CEP250: variants seen among roughly 807,000 people sequenced by gnomAD.
CEP250 encodes the protein centrosome-associated protein CEP250.
In CEP250, 242 loss-of-function variants were observed where a neutral mutation model predicts 315.7. The observed-to-expected ratio is 0.77, with a 90% CI of 0.69 to 0.85. The LOEUF (loss-of-function observed/expected upper bound fraction) is 0.85. Among genes scored for constraint, CEP250 ranks in the 40% least tolerant of loss-of-function variants. The pLI is 0.00. For missense variants in CEP250, 2,515 were observed against 2,886.4 expected, an observed-to-expected ratio of 0.87 and a Z score of 2.95; for synonymous variants, 1,088 against 1,175.0, an observed-to-expected ratio of 0.93 and a Z score of 1.51.
At chr20:35,497,342 A>G (rs1003443648) in intron 25 of CEP250, among the ~76,000 whole-genome samples, 1 of 152,236 alleles carries the variant, frequency 6.6e-6, no homozygotes, top group African/African-American at 2.4e-5. Flanking sequence ...ATAGGAATAT[A>G]TAAAGTGTCA....
intron 20 of CEP250, among the ~76,000 whole-genome samples, chr20:35,485,555 A>G (rs224370): frequency 0.63 from 95,530 of 150,668 alleles, 32,474 homozygotes; most frequent in Non-Finnish European, 0.76. Flanking sequence ...TAGTGGCACA[A>G]TCATAGCTCA....
rs762442812 is a variant in CEP250, at chr20:35,503,580, G to A, written c.5211G>A (p.Glu1737=). 8 of 1,614,138 alleles carry A rather than the reference G, an allele frequency of 5.0e-6. No individual in the cohort carries two copies. The African/African-American group carries it at 5.3e-5, about 11-fold the overall frequency. ...TGATCCTGCGTGATAAGGAGAAGGA[G>A]GTGGAATGTCAGCAGGAGCATATCC... The part of the protein sequence containing the change: ...MKLILRDKEK[E]VECQQEHIHE... Residue 1737 remains glutamate, a synonymous_variant, in exon 30 of 35, where the codon GAG becomes GAA. Coordinates refer to ENST00000397527, the MANE Select transcript of CEP250 (RefSeq NM_007186.6). The surrounding 1 kb of genome is among the most constrained non-coding windows in gnomAD (Gnocchi z 4.2).
Position 35,516,810 on chromosome 20 carries a change from T to G in CEP250, c.*5184T>G, listed in dbSNP as rs377698821. On this transcript the variant is annotated 3_prime_UTR_variant, in exon 35 of 35. Coordinates refer to ENST00000397527, the MANE Select transcript of CEP250 (RefSeq NM_007186.6). ...AGAGGGCTTGAAGGCCCTTTCAAAG[T>G]GTCAAGCCAGTTGGATGCACGGGTT... is the stretch of plus-strand genomic sequence containing the variant. 95 of 173,638 alleles carry G rather than the reference T, an allele frequency of 5.5e-4. No individual in the cohort carries two copies. Among genetic ancestry groups the G allele is most frequent in the African/African-American group, 2.2e-3 (93 of 41,940 alleles). 10.8% of individuals were successfully genotyped at this position (173,638 alleles called of 1,614,324 possible).
At position 35,462,486 on chromosome 20, in the gene CEP250, G is replaced by A. The variant is rs547906210; in HGVS notation, c.119G>A (p.Arg40Gln). 53 of 1,609,388 alleles carry A rather than the reference G, an allele frequency of 3.3e-5. No homozygotes were observed. The South Asian group carries it at 3.7e-4, about 11-fold the overall frequency. ...QMAENQAASW[R>Q]KLKNSQEAQQ... ...GCAGAGAATCAGGCAGCCTCCTGGC[G>A]GAAGCTGAAGAACTCCCAGGAGGCC... Residue 40 changes from arginine to glutamine, a missense_variant, in exon 4 of 35, where the codon CGG (arginine) becomes CAG (glutamine). By Grantham distance (43) the Arg-to-Gln change is conservative. Transcript: ENST00000397527.
chr20:35,477,910 G>A lies in CEP250; in HGVS notation c.1903G>A (p.Ala635Thr). ...CCAGTCTGTGTGCAGCAGAATGGAGGCCGCAGAGCAGGCGAGAAATGCTTT... is the reference window on the plus strand; with the variant it reads ...CCAGTCTGTGTGCAGCAGAATGGAGACCGCAGAGCAGGCGAGAAATGCTTT... ...ENQSVCSRME[A>T]AEQARNALQV... Residue 635 changes from alanine (A) to threonine (T), a missense_variant, in exon 17 of 35, where the codon GCC becomes ACC. Transcript: ENST00000397527. The A allele has an allele frequency of 6.3e-7, 1 of 1,599,890 alleles. No homozygotes were observed. Among genetic ancestry groups the A allele is most frequent in the Non-Finnish European group, 8.5e-7 (1 of 1,173,492 alleles).
intron 32 of CEP250, 87 bp from the exon 33 acceptor site, chr20:35,508,856 C>T (rs1253295545): frequency 2.8e-6 from 3 of 1,068,772 alleles, no homozygotes; most frequent in African/African-American, 3.1e-5. Context: ...TATACCTGCA[C>T]AGGCACTGGC....
chr20:35,482,352 T>TC (rs1273847677), intron 20 of CEP250, among the ~76,000 whole-genome samples: 1 of 151,970 alleles, frequency 6.6e-6, no homozygotes, highest in East Asian at 1.9e-4. Context: ...TGCCTCAGCC[T>TC]CCCAAGTAGC....
chr20:35,509,853 T>TA (rs1568849279), intron 33 of CEP250, 145 bp from the exon 34 acceptor site: 1 of 726,466 alleles, frequency 1.4e-6, no homozygotes. Context: ...TGCTGCCCCA[T>TA]AGACGTCCAG....
chr20:35,455,952 A>G (rs1347280963), intron 1 of CEP250, among the ~76,000 whole-genome samples: 2 of 152,224 alleles, frequency 1.3e-5, no homozygotes, highest in East Asian at 1.9e-4. Context: ...CTGGAGTGCA[A>G]TGGCGCGATC....
rs146904482 is a variant in CEP250, at chr20:35,483,179, G to A, written c.2586+3034G>A. Among the ~76,000 whole-genome samples, 1,262 of 152,038 alleles carry A rather than the reference G, an allele frequency of 8.3e-3. 21 individuals are homozygous for A. Among genetic ancestry groups the A allele is most frequent in the African/African-American group, 0.029 (1,200 of 41,466 alleles). On this transcript the variant is annotated intron_variant, in intron 20 of 34. Transcript: ENST00000397527. ...CTACTAAATATACAAAATTAGCCGA[G>A]TGTGGTAGCACATGTCTGTAATCCT...
intron 20 of CEP250, chr20:35,481,165 C>T (rs1259263029): frequency 3.9e-5 from 6 of 152,162 alleles, no homozygotes. Context: ...TGCCTGTCAT[C>T]TCAGCACTTT....
intron 1 of CEP250, among the ~76,000 whole-genome samples, chr20:35,457,402 G>A (rs957506663): frequency 4.0e-5 from 6 of 151,752 alleles, no homozygotes; most frequent in African/African-American, 1.5e-4. Flanking sequence ...TGAGCATCTT[G>A]TCCCAGGCTG....
chr20:35,485,130 T>C (rs935126292), intron 20 of CEP250, among the ~76,000 whole-genome samples: 2 of 151,278 alleles, frequency 1.3e-5, no homozygotes, highest in African/African-American at 4.9e-5. Context: ...CCCAGCACTT[T>C]GGGAGGCCTA....
chr20:35,476,694 A>G (rs1449138243), intron 16 of CEP250, 99 bp downstream of exon 16: 1 of 1,043,192 alleles, frequency 9.6e-7, no homozygotes, highest in East Asian at 2.4e-5. Context: ...AGCAAAAGGA[A>G]CATTTACAAT....
intron 28 of CEP250, 49 bp from the exon 29 acceptor site, chr20:35,501,796 C>T (rs781556305): frequency 3.3e-6 from 5 of 1,537,740 alleles, no homozygotes; most frequent in Middle Eastern, 3.4e-4. Flanking sequence ...ATATCCCAAA[C>T]ATGGGTCTTA....
At chr20:35,489,507 C>T (rs1392132629) in intron 20 of CEP250, among the ~76,000 whole-genome samples, 3 of 152,164 alleles carry the variant, frequency 2.0e-5, no homozygotes, top group Non-Finnish European at 4.4e-5. Context: ...GTTGTTATCC[C>T]CATTTTAATA....
chr20:35,461,172 T>G (rs2062746571), intron 3 of CEP250, among the ~76,000 whole-genome samples: 1 of 152,218 alleles, frequency 6.6e-6, no homozygotes. Flanking sequence ...ACCATTTTGT[T>G]GATAGGTAGT....
chr20:35,472,103 G>A lies in CEP250; in HGVS notation c.1002G>A (p.Ala334=), dbSNP rs369235134. ...ATGAAGCATCTCTTAGTAGGAATGC[G>A]CAAGAGGAGAAGTTGTCTTTACAGC... ...MEHEASLSRN[A]QEEKLSLQQV... Residue 334 remains alanine (A), a synonymous_variant, in exon 11 of 35, where the codon GCG becomes GCA. Transcript: ENST00000397527. 31 of 1,613,370 alleles carry A rather than the reference G, an allele frequency of 1.9e-5. No homozygotes were observed. The African/African-American group carries it at 2.5e-4, about 13-fold the overall frequency.
intron 32 of CEP250, 130 bp downstream of exon 32, chr20:35,508,320 T>TG: frequency 9.6e-7 from 1 of 1,040,896 alleles, no homozygotes. Flanking sequence ...TAAGTTTGTT[T>TG]TTTTTTTTCC....
Sources: allele counts gnomAD v4.1 joint callset (sites outside exome capture counted in the v4.1 genomes callset), GRCh38; gene constraint gnomAD v4.1.1; non-coding constraint Gnocchi (gnomAD v3.1); transcripts MANE v1.5; gene names NCBI Gene and HGNC (gene_info 2026-07-23, HGNC 2026-07-21).